Variants in HERC4 observed in about 807,000 individuals in gnomAD.
The protein encoded by HERC4 is HECT and RLD domain containing E3 ubiquitin protein ligase 4.
HERC4 carries 28 observed loss-of-function variants against 124.3 expected under a neutral mutation model. The ratio of observed to expected loss-of-function variants is 0.23; its 90% CI spans 0.17 to 0.31. The LOEUF (loss-of-function observed/expected upper bound fraction) is 0.31. Among genes scored for constraint, HERC4 ranks in the 10% least tolerant of loss-of-function variants. The pLI, the probability that HERC4 is intolerant of heterozygous loss-of-function variation, is 1.00. For synonymous variants in HERC4, 407 were observed against 421.5 expected (o/e 0.97, Z 0.42); for missense variants, 713 against 1,229.3 (o/e 0.58, Z 6.28).
Position 68,042,088 on chromosome 10 carries a change from C to T in HERC4, c.386+2316G>A, listed in dbSNP as rs534615515. 6.6e-5 allele frequency among the ~76,000 whole-genome samples: 10 copies of T among 152,294 alleles called. No individual in the cohort carries two copies. In the South Asian group the frequency reaches 2.1e-3, roughly 32 times the overall value. On this transcript the variant is annotated intron_variant, in intron 4 of 24. Coordinates refer to ENST00000373700, the MANE Select transcript of HERC4 (RefSeq NM_015601.4). ...CTGGAGTGCAGTGGTGCAATCTCGG[C>T]TCACTGCAACCTCCGCCTCCCAGGT...
chr10:67,952,773 G>A (rs970757970), intron 19 of HERC4, among the ~76,000 whole-genome samples: 4 of 151,648 alleles, frequency 2.6e-5, no homozygotes, highest in Admixed American at 6.6e-5. Flanking sequence ...GGTGGCAGGC[G>A]CCTGTAGTCC....
chr10:68,032,159 C>T (rs12258843), intron 7 of HERC4, among the ~76,000 whole-genome samples: 2,928 of 152,288 alleles, frequency 0.019, 72 homozygotes, highest in African/African-American at 0.066. Context: ...AACATGACTG[C>T]AATAAATAAT....
At position 67,979,127 on chromosome 10, in the gene HERC4, C is replaced by T. The variant is rs187612145; in HGVS notation, c.1806+9536G>A. ...GACCATCCAGGAAAACATGACCTCA[C>T]CAAATGAACAAAATAAGGCACCAAA... On this transcript the variant is annotated intron_variant, in intron 15 of 24. Coordinates refer to ENST00000373700, the MANE Select transcript of HERC4 (RefSeq NM_015601.4). Among the ~76,000 whole-genome samples, 43 of 152,076 alleles carry T rather than the reference C, an allele frequency of 2.8e-4. No individual in the cohort carries two copies. In the East Asian group the frequency reaches 8.3e-3, roughly 29 times the overall value.
chr10:68,018,054 T>C (rs747304971), intron 8 of HERC4, among the ~76,000 whole-genome samples: 1 of 152,066 alleles, frequency 6.6e-6, no homozygotes, highest in Admixed American at 6.5e-5. Context: ...AAAACCTTCA[T>C]AATAAAACCT....
Position 67,966,787 on chromosome 10 carries a change from C to T in HERC4, c.1822G>A (p.Gly608Arg). The change falls in exon 16 of 25, where the codon GGA (glycine) becomes AGA (arginine). Residue 608 changes from glycine to arginine, a missense_variant. By Grantham distance (125) the Gly-to-Arg change is moderately radical. Transcript: ENST00000373700. The part of the protein sequence containing the change: ...EILHRVNEKM[G>R]QIIQYDKFYI... Reference sequence around the variant, plus strand: ...AATTTATCATACTGTATAATCTGTCCCATTTTCTCATTTACCTACAAAAGA... The same window carrying T: ...AATTTATCATACTGTATAATCTGTCTCATTTTCTCATTTACCTACAAAAGA... 2 of 1,546,842 alleles carry T rather than the reference C, an allele frequency of 1.3e-6. No homozygotes were observed. Among genetic ancestry groups the T allele is most frequent in the Non-Finnish European group, 1.7e-6 (2 of 1,144,526 alleles).
At chr10:67,960,469 T>A (rs983997402) in intron 16 of HERC4, among the ~76,000 whole-genome samples, 3 of 152,142 alleles carry the variant, frequency 2.0e-5, no homozygotes, top group Non-Finnish European at 4.4e-5. Flanking sequence ...CACCGCAACC[T>A]CTGCCTCCTG....
chr10:67,968,929 A>G (rs1343132132), intron 15 of HERC4, among the ~76,000 whole-genome samples: 1 of 152,202 alleles, frequency 6.6e-6, no homozygotes, highest in African/African-American at 2.4e-5. Context: ...ATTTAAACCA[A>G]CTTGCACTCA....
At chr10:67,966,578 A>G (rs1187589998) in intron 16 of HERC4, 105 bp downstream of exon 16, 1 of 1,053,980 alleles carries the variant, frequency 9.5e-7, no homozygotes, top group Non-Finnish European at 1.4e-6. Flanking sequence ...AGTTCTGGAT[A>G]AAAGTTCTGA....
At chr10:67,960,625 T>G (rs1247629367) in intron 16 of HERC4, 1 of 156,684 alleles carries the variant, frequency 6.4e-6, no homozygotes, top group Non-Finnish European at 1.4e-5. Flanking sequence ...CCTCGTGATC[T>G]GCCCACCTCA....
chr10:67,957,012 A>T, intron 16 of HERC4, 36 bp from the exon 17 acceptor site: 3 of 1,218,330 alleles, frequency 2.5e-6, no homozygotes, highest in South Asian at 1.4e-5. Flanking sequence ...GTACAAGTTG[A>T]TTTGTGATAT....
chr10:67,989,567 A>G (rs886978688), intron 14 of HERC4, among the ~76,000 whole-genome samples: 5 of 152,016 alleles, frequency 3.3e-5, no homozygotes, highest in African/African-American at 1.2e-4. Context: ...TATTACTTCT[A>G]TATATCTCAG....
intron 15 of HERC4, among the ~76,000 whole-genome samples, chr10:67,976,229 C>T (rs2035580942): frequency 6.6e-6 from 1 of 152,042 alleles, no homozygotes; most frequent in Admixed American, 6.6e-5. Flanking sequence ...CTTTAATCAA[C>T]TGAAATAATT....
chr10:68,006,358 T>C (rs2037553519), intron 9 of HERC4, among the ~76,000 whole-genome samples: 1 of 148,080 alleles, frequency 6.8e-6, no homozygotes, highest in Non-Finnish European at 1.5e-5. Context: ...CGCCTCAGCG[T>C]TTTTGTTTTT....
At chr10:67,999,620 C>T (rs1234555140) in intron 9 of HERC4, among the ~76,000 whole-genome samples, 2 of 152,146 alleles carry the variant, frequency 1.3e-5, no homozygotes, top group African/African-American at 4.8e-5. Flanking sequence ...GAGAAACAGA[C>T]ATTTCATGAA....
intron 15 of HERC4, among the ~76,000 whole-genome samples, chr10:67,978,603 C>T (rs918341064): frequency 6.6e-6 from 1 of 152,164 alleles, no homozygotes; most frequent in African/African-American, 2.4e-5. Context: ...GATTGTAGAG[C>T]GCCAGCACCT....
At chr10:68,015,368 C>A (rs529365209) in intron 8 of HERC4, among the ~76,000 whole-genome samples, 5 of 152,270 alleles carry the variant, frequency 3.3e-5, no homozygotes, top group Admixed American at 2.0e-4. Flanking sequence ...TTAAGCCCGG[C>A]CAAAATTACT....
intron 3 of HERC4, among the ~76,000 whole-genome samples, chr10:68,060,766 T>C (rs1413448109): frequency 1.3e-5 from 2 of 152,176 alleles, no homozygotes; most frequent in African/African-American, 4.8e-5. Context: ...CTCTTCAAAA[T>C]ATAAGGTTCA....
intron 15 of HERC4, among the ~76,000 whole-genome samples, chr10:67,984,964 T>TA (rs1344549243): frequency 6.6e-6 from 1 of 152,040 alleles, no homozygotes; most frequent in Admixed American, 6.6e-5. Context: ...AATTAAGAAT[T>TA]AAAAAAAATT....
chr10:67,971,445 A>G (rs2035228159), intron 15 of HERC4, among the ~76,000 whole-genome samples: 1 of 152,134 alleles, frequency 6.6e-6, no homozygotes, highest in African/African-American at 2.4e-5. Context: ...ATATAATGCC[A>G]AGTAAAGTTC....
Sources: gnomAD v4.1 joint callset for allele counts (sites outside exome capture counted in the v4.1 genomes callset) on GRCh38, gnomAD v4.1.1 for gene constraint, MANE v1.5 for transcripts, NCBI Gene and HGNC (gene_info 2026-07-23, HGNC 2026-07-21) for gene names.